DNAJC10: variants seen among roughly 807,000 people sequenced by gnomAD.
The protein encoded by DNAJC10 is DnaJ heat shock protein family (Hsp40) member C10, also known as endoplasmic reticulum disulfide reductase DNAJC10.
A neutral mutation model predicts 115.0 loss-of-function variants in DNAJC10; 101 were observed. The observed-to-expected ratio is 0.88, with a 90% CI of 0.75 to 1.04. The LOEUF (loss-of-function observed/expected upper bound fraction) is 1.04, where lower values mean the gene tolerates loss of function less well. DNAJC10 is among the 50% of genes least tolerant of loss of function. The pLI, the probability that DNAJC10 is intolerant of heterozygous loss-of-function variation, is 0.00. For synonymous variants in DNAJC10, 307 were observed against 301.5 expected (o/e 1.02, Z -0.19); for missense variants, 981 against 928.8 (o/e 1.06, Z -0.73).
intron 14 of DNAJC10, among the ~76,000 whole-genome samples, chr2:182,750,772 G>C (rs1223150342): frequency 6.6e-6 from 1 of 152,154 alleles, no homozygotes. Context: ...ACATAGAAAA[G>C]GGGTAATGTG....
intron 14 of DNAJC10, among the ~76,000 whole-genome samples, chr2:182,745,692 ATT>A (rs573985098): frequency 1.4e-5 from 2 of 142,106 alleles, no homozygotes; most frequent in Admixed American, 7.0e-5. Context: ...ACAAATTTTT[ATT>A]TTTTTTTTTT....
At chr2:182,718,613 G>C (rs1465771956) in intron 3 of DNAJC10, among the ~76,000 whole-genome samples, 1 of 152,176 alleles carries the variant, frequency 6.6e-6, no homozygotes, top group Admixed American at 6.5e-5. Context: ...TTAAGATCAA[G>C]TGTTTTAGAA....
At chr2:182,719,793 TCTTA>T (rs1265295157) in intron 3 of DNAJC10, among the ~76,000 whole-genome samples, 2 of 135,444 alleles carry the variant, frequency 1.5e-5, no homozygotes, top group South Asian at 2.3e-4. Context: ...TCATTACTTT[TCTTA>T]CTTTTTTTTT....
intron 15 of DNAJC10, 142 bp downstream of exon 15, chr2:182,751,927 A>T (rs1694031376): frequency 1.3e-5 from 16 of 1,206,782 alleles, no homozygotes; most frequent in Non-Finnish European, 1.8e-5. Flanking sequence ...TTGCTTTTAA[A>T]TGAGTGCTAA....
intron 10 of DNAJC10, among the ~76,000 whole-genome samples, chr2:182,735,764 G>T (rs897355978): frequency 1.3e-5 from 2 of 152,082 alleles, no homozygotes; most frequent in African/African-American, 4.8e-5. Flanking sequence ...GCTCACTAAA[G>T]GATTAGCTTA....
At position 182,718,241 on chromosome 2, in the gene DNAJC10, GAC is replaced by G; in HGVS notation, c.157_158del (p.Gln53SerfsTer12). ...AAAACTGCAAGCAGTAGAGAAATAA[GAC>G]AAGCTTTCAAGAAATTGGCATTGAA... On this transcript the variant is annotated frameshift_variant, in exon 3 of 24. Coordinates refer to ENST00000264065, the MANE Select transcript of DNAJC10 (RefSeq NM_018981.4). LOFTEE classifies it high-confidence loss of function. 6.2e-7 allele frequency: 1 copy of G among 1,612,502 alleles called. No individual in the cohort carries two copies. Among genetic ancestry groups the G allele is most frequent in the Non-Finnish European group, 8.5e-7 (1 of 1,179,526 alleles).
Position 182,792,091 on chromosome 2 carries a change from A to G in DNAJC10, c.*14959A>G, listed in dbSNP as rs1385754801. On this transcript the variant is annotated 3_prime_UTR_variant, in exon 24 of 24. Transcript: ENST00000264065. ...CAGGACACAATCTTGTTCACTTTTC[A>G]TGCCATCATCTTGACACTCAATACA... is the stretch of plus-strand genomic sequence containing the variant. 3 of 152,178 alleles carry G rather than the reference A, an allele frequency of 2.0e-5. No homozygotes were observed. Among genetic ancestry groups the G allele is most frequent in the Admixed American group, 2.0e-4 (3 of 15,264 alleles). The allele number at this position is 152,178 out of a possible 1,614,324, so 9.4% of individuals were successfully genotyped here.
In DNAJC10 at chr2:182,785,852, A is replaced by G. The variant is rs904863721; in HGVS notation, c.*8720A>G. On this transcript the variant is annotated 3_prime_UTR_variant, in exon 24 of 24. Coordinates refer to ENST00000264065, the MANE Select transcript of DNAJC10 (RefSeq NM_018981.4). ...GGGGAAATCAGAATATTTGAATTTG[A>G]TATTAACTAAGAATTGTTTGCAGGG... 1 of 152,170 alleles carries G rather than the reference A, an allele frequency of 6.6e-6. No individual in the cohort carries two copies. Among genetic ancestry groups the G allele is most frequent in the African/African-American group, 2.4e-5 (1 of 41,442 alleles). 9.4% of individuals were successfully genotyped at this position (152,170 alleles called of 1,614,324 possible).
At chr2:182,740,498 T>A in intron 12 of DNAJC10, 110 bp downstream of exon 12, 1 of 1,078,586 alleles carries the variant, frequency 9.3e-7, no homozygotes, top group Non-Finnish European at 1.3e-6. Context: ...GAATTGAAAG[T>A]AGCAGTTTCA....
At chr2:182,736,474 G>A (rs1693587982) in intron 11 of DNAJC10, 88 bp downstream of exon 11, 2 of 940,132 alleles carry the variant, frequency 2.1e-6, no homozygotes, top group East Asian at 6.4e-5. Context: ...AGTGAGCAAA[G>A]AAATGAACAA....
chr2:182,718,290 G>C lies in DNAJC10; in HGVS notation c.204G>C (p.Pro68=), dbSNP rs747283899. 6.3e-7 allele frequency: 1 copy of C among 1,586,486 alleles called. No individual in the cohort carries two copies. Among genetic ancestry groups the C allele is most frequent in the Admixed American group, 1.8e-5 (1 of 54,682 alleles). Residue 68 remains proline, a splice_region_variant and synonymous_variant, in exon 3 of 24, where the codon CCG becomes CCC. Transcript: ENST00000264065. ...LALKLHPDKN[P]NNPNAHGDFL... ...TGAAGTTACATCCTGATAAAAACCC[G>C]GTAGGTAAACGTTTGTTTTTAAAAA...
rs1210186937 is a variant in DNAJC10 at position 182,779,412 on chromosome 2, A to G, written c.*2280A>G. 6.6e-6 allele frequency: 1 copy of G among 152,144 alleles called. No homozygotes were observed. The highest frequency in any genetic ancestry group is 6.6e-5 in the Admixed American group (1 of 15,240). The allele number at this position is 152,144 out of a possible 1,614,324, so 9.4% of individuals were successfully genotyped here. A position where few individuals can be genotyped will look rare whatever the true frequency, so the allele number is the denominator to read the frequency against. On this transcript the variant is annotated 3_prime_UTR_variant, in exon 24 of 24. Transcript: ENST00000264065. ...ATTCTAGCTGACCAAAGCACATTCT[A>G]TCAGGCAGCCAGGCTTGGAAATTAG...
At chr2:182,763,297 A>G (rs1415838325) in intron 22 of DNAJC10, among the ~76,000 whole-genome samples, 3 of 152,124 alleles carry the variant, frequency 2.0e-5, no homozygotes, top group Non-Finnish European at 2.9e-5. Context: ...CCATGTACTC[A>G]TGTTTTCTGG....
chr2:182,721,409 T>C (rs951790798), intron 4 of DNAJC10, among the ~76,000 whole-genome samples: 3 of 152,124 alleles, frequency 2.0e-5, no homozygotes, highest in Admixed American at 2.0e-4. Flanking sequence ...TCTTTCACAC[T>C]TCAAGAGCAG....
Position 182,720,181 on chromosome 2 carries a change from C to G in DNAJC10, c.367+12C>G, listed in dbSNP as rs767954814. ...TCGTTATGATTTTGGTAAGGTGATA[C>G]GATATTACTTATGAAATGTGTTTTA... On this transcript the variant is annotated intron_variant, in intron 4 of 23. Transcript: ENST00000264065. 6.3e-7 allele frequency: 1 copy of G among 1,591,312 alleles called. No individual in the cohort carries two copies. The highest frequency in any genetic ancestry group is 8.6e-7 in the Non-Finnish European group (1 of 1,169,090).
chr2:182,761,239 G>T (rs1394184689), intron 21 of DNAJC10, among the ~76,000 whole-genome samples: 1 of 152,170 alleles, frequency 6.6e-6, no homozygotes, highest in African/African-American at 2.4e-5. Context: ...AAGGGTGTCA[G>T]TGATGCCAGA....
In DNAJC10 at chr2:182,788,855, T is replaced by A. The variant is rs1231800183; in HGVS notation, c.*11723T>A. 1 of 455,244 alleles carries A rather than the reference T, an allele frequency of 2.2e-6. No individual in the cohort carries two copies. 28.2% of individuals were successfully genotyped at this position (455,244 alleles called of 1,614,324 possible). On this transcript the variant is annotated 3_prime_UTR_variant, in exon 24 of 24. Coordinates refer to ENST00000264065, the MANE Select transcript of DNAJC10 (RefSeq NM_018981.4). The stretch of plus-strand genomic sequence containing the variant: ...TTTTTGGGGAAGAGAGATTTCACGT[T>A]AAAGGTCATTTTGTGTCTTCTTTAA...
chr2:182,748,987 G>T (rs1693945827), intron 14 of DNAJC10, among the ~76,000 whole-genome samples: 1 of 151,844 alleles, frequency 6.6e-6, no homozygotes, highest in South Asian at 2.1e-4. Flanking sequence ...TCTTAATCCT[G>T]AGTTCTAGTT....
chr2:182,733,785 A>AT (rs1438833484), intron 10 of DNAJC10, among the ~76,000 whole-genome samples: 1 of 89,248 alleles, frequency 1.1e-5, no homozygotes, highest in Admixed American at 1.1e-4. Flanking sequence ...TCTCTCTCAG[A>AT]TAGATAGATA....
Sources: allele counts gnomAD v4.1 joint callset (sites outside exome capture counted in the v4.1 genomes callset), GRCh38; gene constraint gnomAD v4.1.1; transcripts MANE v1.5; gene names NCBI Gene and HGNC (gene_info 2026-07-23, HGNC 2026-07-21).